The following EFCAB8 variants were observed in gnomAD, a reference collection of about 807,000 sequenced individuals.
EFCAB8 encodes EF-hand calcium binding domain 8.
Under a neutral mutation model 116.3 loss-of-function variants are expected in EFCAB8, and 100 were observed. The observed-to-expected ratio is 0.86, with a 90% CI of 0.73 to 1.02. The LOEUF (loss-of-function observed/expected upper bound fraction) is 1.02, where lower values mean the gene tolerates loss of function less well. EFCAB8 is among the 50% of genes least tolerant of loss of function. The probability of loss-of-function intolerance (pLI) is 0.00; values close to 1 mark genes in which losing one functional copy is unlikely to be tolerated. For synonymous variants in EFCAB8, 558 were observed against 567.9 expected (o/e 0.98, Z 0.25); for missense variants, 1,320 against 1,416.9 (o/e 0.93, Z 1.10).
At chr20:32,924,156 C>T (rs1348829528) in intron 20 of EFCAB8, among the ~76,000 whole-genome samples, 3 of 152,112 alleles carry the variant, frequency 2.0e-5, no homozygotes, top group African/African-American at 7.2e-5. Context: ...CAGGCTCAAG[C>T]GATTCTCCCA....
At chr20:32,904,190 G>C (rs552173316) in intron 11 of EFCAB8, among the ~76,000 whole-genome samples, 24 of 151,726 alleles carry the variant, frequency 1.6e-4, no homozygotes, top group African/African-American at 5.3e-4. Context: ...ATGGGATCTT[G>C]CTGTGTTGCC....
At chr20:32,893,906 A>G (rs1454469361) in intron 9 of EFCAB8, among the ~76,000 whole-genome samples, 1 of 152,168 alleles carries the variant, frequency 6.6e-6, no homozygotes, top group Non-Finnish European at 1.5e-5. Flanking sequence ...AGAAAGGGTA[A>G]GGTCACCTGT....
chr20:32,868,139 G>A (rs982200371), intron 3 of EFCAB8, among the ~76,000 whole-genome samples: 5 of 151,960 alleles, frequency 3.3e-5, no homozygotes, highest in African/African-American at 4.8e-5. Flanking sequence ...GTCCAGGCTC[G>A]TCTGGGACTA....
At chr20:32,946,362 A>G (rs567952028) in intron 23 of EFCAB8, among the ~76,000 whole-genome samples, 17 of 152,372 alleles carry the variant, frequency 1.1e-4, no homozygotes, top group South Asian at 4.1e-4. Context: ...AGTGAGCACT[A>G]TGAATTTTCC....
chr20:32,930,837 G>A (rs973933024), intron 21 of EFCAB8, among the ~76,000 whole-genome samples: 2 of 152,152 alleles, frequency 1.3e-5, no homozygotes, highest in African/African-American at 4.8e-5. Flanking sequence ...GGAGAATTCC[G>A]TGCTCCATCA....
chr20:32,919,955 G>A (rs1987368546), intron 19 of EFCAB8, 123 bp from the exon 20 acceptor site: 1 of 1,265,096 alleles, frequency 7.9e-7, no homozygotes, highest in Non-Finnish European at 1.1e-6. Context: ...CTTTTCCCAG[G>A]CCAGTGTACC....
chr20:32,891,830 T>G (rs1985930052), intron 7 of EFCAB8, among the ~76,000 whole-genome samples: 1 of 150,420 alleles, frequency 6.6e-6, no homozygotes, highest in Non-Finnish European at 1.5e-5. Context: ...GGAGTCAGTT[T>G]TTTTTTTTTT....
At chr20:32,876,742 G>A (rs1305233111) in intron 4 of EFCAB8, among the ~76,000 whole-genome samples, 1 of 152,112 alleles carries the variant, frequency 6.6e-6, no homozygotes, top group East Asian at 1.9e-4. Flanking sequence ...CAAGGGGGGT[G>A]GATCGCTTGA....
intron 22 of EFCAB8, among the ~76,000 whole-genome samples, chr20:32,939,695 C>CT (rs1174957957): frequency 7.2e-5 from 9 of 124,332 alleles, no homozygotes; most frequent in South Asian, 2.7e-4. Context: ...CTCTCTCTCT[C>CT]TTTTTTTTTT....
intron 7 of EFCAB8, among the ~76,000 whole-genome samples, chr20:32,889,979 C>T (rs377380166): frequency 8.6e-5 from 12 of 140,144 alleles, no homozygotes; most frequent in African/African-American, 2.6e-4. Context: ...CCAGCATGGG[C>T]GACAGAGAGA....
chr20:32,939,203 CCTCTCTCTCTCT>C (rs562450932), intron 22 of EFCAB8, among the ~76,000 whole-genome samples: 7 of 51,050 alleles, frequency 1.4e-4, no homozygotes, highest in Admixed American at 4.7e-4. Context: ...TTCTTTCTTT[CCTCTCTCTCTCT>C]CTCTCTCTCT....
chr20:32,926,436 T>C (rs1987674403), intron 20 of EFCAB8, among the ~76,000 whole-genome samples: 1 of 152,092 alleles, frequency 6.6e-6, no homozygotes, highest in Non-Finnish European at 1.5e-5. Context: ...TGTTTGCTTT[T>C]TTTTTTTTTT....
chr20:32,949,319 C>T (rs190394030), intron 23 of EFCAB8, among the ~76,000 whole-genome samples: 7 of 152,290 alleles, frequency 4.6e-5, no homozygotes, highest in South Asian at 2.1e-4. Context: ...GTAGAAGACT[C>T]TCTGATTAAG....
In EFCAB8 at chr20:32,896,532, G is replaced by C. The variant is rs1417299005; in HGVS notation, c.957+5G>C. On this transcript the variant is annotated splice_donor_5th_base_variant and intron_variant, in intron 10 of 26. Coordinates refer to ENST00000400522, the MANE Select transcript of EFCAB8 (RefSeq NM_001143967.2). ...CATAGAAGCTACCGGCTGAAGGTGA[G>C]TTTTTTCTTTCCTTGGCCTGTTACA... 3 of 718,652 alleles carry C rather than the reference G, an allele frequency of 4.2e-6. No homozygotes were observed. The Admixed American group carries it at 6.0e-5, about 14-fold the overall frequency. The allele number at this position is 718,652 out of a possible 1,614,324, so 44.5% of individuals were successfully genotyped here.
At chr20:32,936,820 A>T (rs1471491460) in intron 22 of EFCAB8, among the ~76,000 whole-genome samples, 1 of 152,122 alleles carries the variant, frequency 6.6e-6, no homozygotes, top group Non-Finnish European at 1.5e-5. Flanking sequence ...ATATGAATTT[A>T]AGGATTGTTT....
At chr20:32,960,975 G>A (rs1309257236) in intron 26 of EFCAB8, among the ~76,000 whole-genome samples, 161 bp from the exon 27 acceptor site, 3 of 152,198 alleles carry the variant, frequency 2.0e-5, no homozygotes, top group Admixed American at 1.3e-4. Flanking sequence ...GCATGGGCCC[G>A]CAGGCCACGG....
intron 2 of EFCAB8, among the ~76,000 whole-genome samples, 189 bp downstream of exon 2, chr20:32,864,023 C>T (rs1364585123): frequency 6.6e-6 from 1 of 151,870 alleles, no homozygotes; most frequent in African/African-American, 2.4e-5. Flanking sequence ...GTCGCCCAGG[C>T]TGGAGTGCAG....
In EFCAB8 at chr20:32,885,498, C is replaced by A. The variant is rs1309778725; in HGVS notation, c.432-7C>A. On this transcript the variant is annotated splice_region_variant and splice_polypyrimidine_tract_variant and intron_variant, in intron 5 of 26. Transcript: ENST00000400522. ...TGGGCTCTTCTCTCTTTCATCGCCTCCCACAGGAACCATGGCTGTGAGGTG... is the reference window on the plus strand; with the variant it reads ...TGGGCTCTTCTCTCTTTCATCGCCTACCACAGGAACCATGGCTGTGAGGTG... 3 of 1,551,616 alleles carry A rather than the reference C, an allele frequency of 1.9e-6. No homozygotes were observed. Among genetic ancestry groups the A allele is most frequent in the Non-Finnish European group, 2.6e-6 (3 of 1,146,980 alleles).
rs1481346167 is a variant in EFCAB8 at position 32,959,932 on chromosome 20, C to T, written c.3244C>T (p.Leu1082=). The T allele has an allele frequency of 1.0e-5, 16 of 1,551,542 alleles. No homozygotes were observed. Among genetic ancestry groups the T allele is most frequent in the Admixed American group, 2.0e-5 (1 of 50,982 alleles). ...GTCCCCGTGGGCCGGAGAGCGCCCC[C>T]TGGAAGACATTGAGGACAGCTGGAA... ...LMSPWAGERP[L]EDIEDSWNKW... The change falls in exon 25 of 27, where the codon CTG becomes TTG. Residue 1082 remains leucine, a synonymous_variant. Transcript: ENST00000400522.
Sources: gnomAD v4.1 joint callset for allele counts (sites outside exome capture counted in the v4.1 genomes callset) on GRCh38, gnomAD v4.1.1 for gene constraint, MANE v1.5 for transcripts, NCBI Gene and HGNC (gene_info 2026-07-23, HGNC 2026-07-21) for gene names.